Variants in SSBP3 observed in about 807,000 individuals in gnomAD.
SSBP3 encodes single stranded DNA binding protein 3, also known as single-stranded DNA-binding protein 3.
A neutral mutation model predicts 69.6 loss-of-function variants in SSBP3; 5 were observed. That is an observed-to-expected ratio of 0.07 (90% CI 0.04 to 0.15). The LOEUF is 0.15. Ranked by LOEUF, SSBP3 falls within the 10% of genes least tolerant of loss-of-function variation. SSBP3 has a pLI of 1.00. For synonymous variants in SSBP3, 196 were observed against 193.4 expected (o/e 1.01, Z -0.11); for missense variants, 312 against 534.0 (o/e 0.58, Z 4.10).
chr1:54,242,079 G>T, intron 11 of SSBP3, 85 bp downstream of exon 11: 1 of 1,488,410 alleles, frequency 6.7e-7, no homozygotes, highest in Non-Finnish European at 9.3e-7. Context: ...CACTTCCCGT[G>T]ACACCTACAC....
At chr1:54,235,095 A>G (rs1023572654) in intron 14 of SSBP3, among the ~76,000 whole-genome samples, 2 of 152,152 alleles carry the variant, frequency 1.3e-5, no homozygotes, top group Admixed American at 6.5e-5. Context: ...TTATACACAA[A>G]GTACCTCCGG....
intron 17 of SSBP3, 24 bp from the exon 18 acceptor site, chr1:54,227,184 G>GGC (rs1553120686): frequency 6.7e-6 from 8 of 1,201,994 alleles, no homozygotes; most frequent in South Asian, 1.2e-5. Flanking sequence ...GCAGAGAAGG[G>GGC]GGGGGGGTGA....
intron 4 of SSBP3, among the ~76,000 whole-genome samples, chr1:54,331,352 C>T (rs1557538438): frequency 1.3e-5 from 2 of 152,188 alleles, no homozygotes; most frequent in South Asian, 2.1e-4. Flanking sequence ...TCGCCCTTCA[C>T]GTCCAGATAC....
chr1:54,399,437 T>A (rs1350201761), intron 4 of SSBP3, among the ~76,000 whole-genome samples: 1 of 152,222 alleles, frequency 6.6e-6, no homozygotes, highest in Non-Finnish European at 1.5e-5. Flanking sequence ...CCTTCTCTCA[T>A]CGGGTCTCTG....
At chr1:54,294,142 CAA>C (rs1223376233) in intron 4 of SSBP3, among the ~76,000 whole-genome samples, 2 of 41,528 alleles carry the variant, frequency 4.8e-5, no homozygotes, top group African/African-American at 9.0e-5. Flanking sequence ...GACTCCATCT[CAA>C]AAAAAAAAAA....
At chr1:54,271,397 C>T (rs964433149) in intron 5 of SSBP3, among the ~76,000 whole-genome samples, 1 of 152,192 alleles carries the variant, frequency 6.6e-6, no homozygotes, top group Non-Finnish European at 1.5e-5. Context: ...GTATGAGCCA[C>T]CACGTGTGGC....
At chr1:54,273,536 G>C (rs1331861859) in intron 5 of SSBP3, among the ~76,000 whole-genome samples, 1 of 152,232 alleles carries the variant, frequency 6.6e-6, no homozygotes, top group African/African-American at 2.4e-5. Context: ...GGGCAGGGAA[G>C]GGAGCACAGC....
In SSBP3 at chr1:54,337,485, C is replaced by CTTTTTTTTTTTTT. The variant is rs869039822; in HGVS notation, c.277-55971_277-55959dup. On this transcript the variant is annotated intron_variant, in intron 4 of 17. Transcript: ENST00000610401. The stretch of plus-strand genomic sequence containing the variant: ...ACCAAAGCATTTTGTTTTCCTCAAG[C>CTTTTTTTTTTTTT]TTTTTTTTTTTTTTTTTTTTTTTTT... 2.6e-3 allele frequency among the ~76,000 whole-genome samples: 131 copies of CTTTTTTTTTTTTT among 51,168 alleles called. 22 individuals are homozygous for CTTTTTTTTTTTTT. Among genetic ancestry groups the CTTTTTTTTTTTTT allele is most frequent in the East Asian group, 0.013 (14 of 1,070 alleles). 33.6% of individuals were successfully genotyped at this position (51,168 alleles called of 152,430 possible).
chr1:54,396,659 T>C (rs1267123772), intron 4 of SSBP3, among the ~76,000 whole-genome samples: 1 of 152,172 alleles, frequency 6.6e-6, no homozygotes, highest in Non-Finnish European at 1.5e-5. Flanking sequence ...CTCTGAGTGC[T>C]GGCTGGCACA....
intron 4 of SSBP3, among the ~76,000 whole-genome samples, chr1:54,349,926 G>A (rs1393208229): frequency 6.6e-6 from 1 of 151,944 alleles, no homozygotes; most frequent in African/African-American, 2.4e-5. Context: ...CTCCCACCTG[G>A]GGTCCCTTTA....
At chr1:54,312,167 T>C (rs991522959) in intron 4 of SSBP3, among the ~76,000 whole-genome samples, 1 of 152,134 alleles carries the variant, frequency 6.6e-6, no homozygotes, top group Non-Finnish European at 1.5e-5. Flanking sequence ...CAATGGCTCA[T>C]GCCTGTAATC....
At chr1:54,287,702 A>AT (rs1483753677) in intron 4 of SSBP3, among the ~76,000 whole-genome samples, 4 of 152,128 alleles carry the variant, frequency 2.6e-5, no homozygotes, top group African/African-American at 9.7e-5. Context: ...ACAACAAACT[A>AT]AAGATATAAA....
rs551999901 is a variant in SSBP3 at position 54,259,378 on chromosome 1, A to C, written c.367-1229T>G. ...TGTGTGTAAATATTCATGTGTGTGT[A>C]GACTGGGTCACACCACCAAAGGACT... On this transcript the variant is annotated intron_variant, in intron 5 of 17. Transcript: ENST00000610401. Among the ~76,000 whole-genome samples, 8 of 152,204 alleles carry C rather than the reference A, an allele frequency of 5.3e-5. No individual in the cohort carries two copies. In the South Asian group the frequency reaches 1.7e-3, roughly 32 times the overall value.
chr1:54,266,647 C>T (rs1356686387), intron 5 of SSBP3, among the ~76,000 whole-genome samples: 1 of 152,182 alleles, frequency 6.6e-6, no homozygotes, highest in Non-Finnish European at 1.5e-5. Context: ...TCACATTTCT[C>T]TTGTAAGACA....
At chr1:54,372,838 G>A (rs1647156730) in intron 4 of SSBP3, among the ~76,000 whole-genome samples, 1 of 152,170 alleles carries the variant, frequency 6.6e-6, no homozygotes, top group African/African-American at 2.4e-5. Context: ...ATTAACCCAG[G>A]GCCACACAGC....
intron 13 of SSBP3, 35 bp from the exon 14 acceptor site, chr1:54,239,234 T>C: frequency 6.5e-7 from 1 of 1,542,510 alleles, no homozygotes; most frequent in Non-Finnish European, 8.8e-7. Context: ...GTCGGGGTGA[T>C]TAATTCGTTT....
intron 4 of SSBP3, among the ~76,000 whole-genome samples, chr1:54,344,315 G>A (rs1646654839): frequency 6.6e-6 from 1 of 152,164 alleles, no homozygotes; most frequent in Non-Finnish European, 1.5e-5. Flanking sequence ...CTGGAAAGAA[G>A]ACACAAAACC....
chr1:54,273,786 C>A (rs1255691316), intron 5 of SSBP3, among the ~76,000 whole-genome samples: 1 of 152,210 alleles, frequency 6.6e-6, no homozygotes, highest in Non-Finnish European at 1.5e-5. Flanking sequence ...CAGAGTGTCC[C>A]ACTCCCAGGA....
chr1:54,280,079 T>G (rs1044878686), intron 5 of SSBP3, among the ~76,000 whole-genome samples: 3 of 152,192 alleles, frequency 2.0e-5, no homozygotes, highest in African/African-American at 7.2e-5. Context: ...CGGATGGCCA[T>G]CCTGCATCCC....
Sources: gnomAD v4.1 joint callset for allele counts (sites outside exome capture counted in the v4.1 genomes callset) on GRCh38, gnomAD v4.1.1 for gene constraint, MANE v1.5 for transcripts, NCBI Gene and HGNC (gene_info 2026-07-23, HGNC 2026-07-21) for gene names.